Variants in CCDC7 observed in about 807,000 individuals in gnomAD.
CCDC7 encodes coiled-coil domain-containing protein 7.
CCDC7 carries 183 observed loss-of-function variants against 196.9 expected under a neutral mutation model. The observed-to-expected ratio is 0.93, with a 90% CI of 0.82 to 1.05. The LOEUF is 1.05. Ranked by LOEUF, CCDC7 falls within the 50% of genes least tolerant of loss-of-function variation. The probability of loss-of-function intolerance (pLI) is 0.00; values close to 1 mark genes in which losing one functional copy is unlikely to be tolerated. For synonymous variants in CCDC7, 525 were observed against 484.6 expected (o/e 1.08, Z -1.10); for missense variants, 1,540 against 1,482.2 (o/e 1.04, Z -0.64).
At chr10:32,816,241 AG>A (rs1282953525) in intron 31 of CCDC7, among the ~76,000 whole-genome samples, 1 of 152,196 alleles carries the variant, frequency 6.6e-6, no homozygotes, top group Non-Finnish European at 1.5e-5. Context: ...GCTCATTGCT[AG>A]CACAGCAGTC....
At chr10:32,549,495 A>G (rs985394747) in intron 13 of CCDC7, among the ~76,000 whole-genome samples, 1 of 152,136 alleles carries the variant, frequency 6.6e-6, no homozygotes, top group African/African-American at 2.4e-5. Context: ...GCCTAAGCCA[A>G]TGTCTAGAAG....
At chr10:32,582,105 A>AATATATATATATAT in intron 16 of CCDC7, among the ~76,000 whole-genome samples, 1 of 42,084 alleles carries the variant, frequency 2.4e-5, no homozygotes, top group Non-Finnish European at 5.8e-5. Flanking sequence ...AACTGTCAGC[A>AATATATATATATAT]CTATATATAT....
chr10:32,495,166 TAA>T (rs1406767775), intron 9 of CCDC7, among the ~76,000 whole-genome samples: 1 of 152,248 alleles, frequency 6.6e-6, no homozygotes. Context: ...CATATTTTTA[TAA>T]GTTTGTTGGC....
At chr10:32,723,030 A>C (rs2142184760) in intron 25 of CCDC7, among the ~76,000 whole-genome samples, 1 of 152,220 alleles carries the variant, frequency 6.6e-6, no homozygotes, top group Non-Finnish European at 1.5e-5. Flanking sequence ...CTTCACTGGG[A>C]GGAGCAGAAG....
intron 25 of CCDC7, among the ~76,000 whole-genome samples, chr10:32,717,449 C>T (rs1034882015): frequency 2.6e-5 from 4 of 152,096 alleles, no homozygotes; most frequent in Non-Finnish European, 4.4e-5. Context: ...AAAATCCGTA[C>T]CCTAACATCA....
In CCDC7 at chr10:32,643,506, A is replaced by G. The variant is rs370421130; in HGVS notation, c.2014+8348A>G. The stretch of plus-strand genomic sequence containing the variant: ...CGTTTCAATGTTTTAATTTAAAATT[A>G]TTGTAATTATTGACACATTTGGATT... On this transcript the variant is annotated intron_variant, in intron 20 of 41. Transcript: ENST00000639629. 9.0e-4 allele frequency among the ~76,000 whole-genome samples: 136 copies of G among 151,948 alleles called. 6 individuals carry two copies. The South Asian group carries it at 0.028, about 31-fold the overall frequency.
At chr10:32,502,349 A>G (rs1261459831) in intron 9 of CCDC7, among the ~76,000 whole-genome samples, 1 of 152,098 alleles carries the variant, frequency 6.6e-6, no homozygotes, top group Non-Finnish European at 1.5e-5. Context: ...AGGTGAGACA[A>G]CACCCCACCC....
chr10:32,482,797 C>T (rs11813424), intron 8 of CCDC7, among the ~76,000 whole-genome samples: 7,865 of 152,154 alleles, frequency 0.052, 668 homozygotes, highest in African/African-American at 0.18. Flanking sequence ...TGGTTTCCAG[C>T]TTCATCCATG....
intron 29 of CCDC7, among the ~76,000 whole-genome samples, chr10:32,783,368 G>C (rs2081340887): frequency 6.6e-6 from 1 of 152,186 alleles, no homozygotes; most frequent in African/African-American, 2.4e-5. Context: ...CATTTTTCCA[G>C]AGGAGATATA....
At chr10:32,716,422 T>C (rs1409950264) in intron 25 of CCDC7, among the ~76,000 whole-genome samples, 4 of 152,194 alleles carry the variant, frequency 2.6e-5, no homozygotes, top group Non-Finnish European at 5.9e-5. Flanking sequence ...AAGGAAAAAC[T>C]GGTAGCAGCC....
At chr10:32,735,485 T>A (rs2084710750) in intron 28 of CCDC7, among the ~76,000 whole-genome samples, 1 of 152,210 alleles carries the variant, frequency 6.6e-6, no homozygotes, top group Non-Finnish European at 1.5e-5. Flanking sequence ...ATGTTGAACA[T>A]CTTTTTATGT....
At chr10:32,690,128 T>A (rs1021421617) in intron 23 of CCDC7, among the ~76,000 whole-genome samples, 2 of 152,174 alleles carry the variant, frequency 1.3e-5, no homozygotes, top group Non-Finnish European at 2.9e-5. Flanking sequence ...ATCCTAGGCA[T>A]TTTATCCAGG....
intron 31 of CCDC7, among the ~76,000 whole-genome samples, chr10:32,822,874 T>C (rs1354537800): frequency 6.6e-6 from 1 of 152,166 alleles, no homozygotes; most frequent in African/African-American, 2.4e-5. Context: ...AGGAAAATTG[T>C]GACTTTTACT....
chr10:32,747,113 G>A (rs1008065340), intron 28 of CCDC7, among the ~76,000 whole-genome samples: 1 of 152,212 alleles, frequency 6.6e-6, no homozygotes, highest in Non-Finnish European at 1.5e-5. Context: ...AGCATAGCAG[G>A]TGTTTAACCT....
At chr10:32,821,874 T>C (rs1275567564) in intron 31 of CCDC7, among the ~76,000 whole-genome samples, 1 of 152,124 alleles carries the variant, frequency 6.6e-6, no homozygotes, top group Non-Finnish European at 1.5e-5. Context: ...GATGAGTTAA[T>C]GGGTGCAGCA....
intron 20 of CCDC7, among the ~76,000 whole-genome samples, chr10:32,661,778 T>A (rs553122909): frequency 1.7e-4 from 26 of 152,278 alleles, no homozygotes; most frequent in Admixed American, 1.5e-3. Context: ...TTTTTATTCA[T>A]CCCTCTCTTC....
At chr10:32,590,840 T>A (rs1265491162) in intron 18 of CCDC7, among the ~76,000 whole-genome samples, 1 of 149,550 alleles carries the variant, frequency 6.7e-6, no homozygotes, top group Non-Finnish European at 1.5e-5. Flanking sequence ...CACTGAAAAG[T>A]CTGCTGCCAG....
chr10:32,691,208 C>T (rs962028535), intron 23 of CCDC7, among the ~76,000 whole-genome samples: 4 of 152,140 alleles, frequency 2.6e-5, no homozygotes, highest in South Asian at 2.1e-4. Context: ...ATTTCAATAT[C>T]ACTGGGAGGT....
chr10:32,569,617 G>A (rs965041844), intron 15 of CCDC7, among the ~76,000 whole-genome samples: 1 of 151,768 alleles, frequency 6.6e-6, no homozygotes, highest in South Asian at 2.1e-4. Context: ...TAGTAGAGAC[G>A]GAGTTTCACC....
Sources: gnomAD v4.1 joint callset for allele counts (sites outside exome capture counted in the v4.1 genomes callset) on GRCh38, gnomAD v4.1.1 for gene constraint, MANE v1.5 for transcripts, NCBI Gene and HGNC (gene_info 2026-07-23, HGNC 2026-07-21) for gene names.